The following THSD4 variants were observed in gnomAD, a reference collection of about 807,000 sequenced individuals.
The protein encoded by THSD4 is thrombospondin type-1 domain-containing protein 4.
Under a neutral mutation model 119.0 loss-of-function variants are expected in THSD4, and 69 were observed. That is an observed-to-expected ratio of 0.58 (90% CI 0.48 to 0.71). The LOEUF (loss-of-function observed/expected upper bound fraction) is 0.71, where lower values mean the gene tolerates loss of function less well. Among genes scored for constraint, THSD4 ranks in the 30% least tolerant of loss-of-function variants. The probability of loss-of-function intolerance (pLI) is 0.00; values close to 1 mark genes in which losing one functional copy is unlikely to be tolerated. For missense variants in THSD4, 1,393 were observed against 1,391.1 expected, an observed-to-expected ratio of 1.00 and a Z score of -0.02; for synonymous variants, 524 against 540.4, an observed-to-expected ratio of 0.97 and a Z score of 0.42.
Position 71,215,378 on chromosome 15 carries a change from T to A in THSD4, c.443T>A (p.Leu148His). 1 of 1,531,384 alleles carries A rather than the reference T, an allele frequency of 6.5e-7. No homozygotes were observed. The highest frequency in any genetic ancestry group is 8.7e-7 in the Non-Finnish European group (1 of 1,144,852). The allele number at this position is 1,531,384 out of a possible 1,614,324, so 94.9% of individuals were successfully genotyped here. ...RGSRHPQPQG[L>H]EVTGDRRSRT... Reference sequence around the variant, plus strand: ...AGCCGGCACCCACAGCCCCAGGGCCTCGAAGTCACTGGGGACAGAAGGTAC... The same window carrying A: ...AGCCGGCACCCACAGCCCCAGGGCCACGAAGTCACTGGGGACAGAAGGTAC... The change falls in exon 4 of 18, where the codon CTC becomes CAC. Residue 148 changes from leucine to histidine, a missense_variant. Coordinates refer to ENST00000261862, the MANE Select transcript of THSD4 (RefSeq NM_024817.3).
intron 1 of THSD4, among the ~76,000 whole-genome samples, chr15:71,139,791 C>A (rs2040585836): frequency 6.6e-6 from 1 of 152,180 alleles, no homozygotes; most frequent in Admixed American, 6.5e-5. Flanking sequence ...CTGGAAGAAA[C>A]AAGAAAATAA....
chr15:71,512,363 A>C (rs1362867490), intron 7 of THSD4, among the ~76,000 whole-genome samples: 4 of 152,204 alleles, frequency 2.6e-5, no homozygotes, highest in Admixed American at 6.5e-5. Flanking sequence ...AGATTTATGC[A>C]TTGCTGCATT....
chr15:71,346,759 A>T (rs2045666427), intron 6 of THSD4, among the ~76,000 whole-genome samples: 1 of 152,162 alleles, frequency 6.6e-6, no homozygotes, highest in Non-Finnish European at 1.5e-5. Flanking sequence ...TTATGTATGT[A>T]AGCACATATT....
intron 6 of THSD4, among the ~76,000 whole-genome samples, chr15:71,295,207 G>T (rs946252048): frequency 6.6e-6 from 1 of 152,128 alleles, no homozygotes; most frequent in African/African-American, 2.4e-5. Context: ...ATCCTGGGAG[G>T]GTGATATGAT....
chr15:71,601,203 T>C (rs2050004002), intron 7 of THSD4, among the ~76,000 whole-genome samples: 1 of 152,224 alleles, frequency 6.6e-6, no homozygotes, highest in Non-Finnish European at 1.5e-5. Context: ...CCATTACCAT[T>C]CTGTTCTACT....
chr15:71,127,118 A>C lies in THSD4; in HGVS notation c.-80+11420A>C, dbSNP rs2040462646. ...CTCCAGCCTCTGTAGCTACCATTCT[A>C]CTCTTTGCTTCTGTGAGTTTGATGT... On this transcript the variant is annotated intron_variant, in intron 1 of 17. Coordinates refer to ENST00000261862, the MANE Select transcript of THSD4 (RefSeq NM_024817.3). Among the ~76,000 whole-genome samples the C allele has an allele frequency of 2.0e-5, 3 of 151,784 alleles. 1 individual carries two copies. The South Asian group carries it at 6.3e-4, about 32-fold the overall frequency.
chr15:71,207,623 G>A (rs1338057721), intron 3 of THSD4, among the ~76,000 whole-genome samples: 3 of 152,232 alleles, frequency 2.0e-5, no homozygotes, highest in East Asian at 1.9e-4. Flanking sequence ...GGAGGTGAGC[G>A]GCGGGTCAGC....
intron 4 of THSD4, among the ~76,000 whole-genome samples, chr15:71,234,401 T>C (rs2044086074): frequency 6.6e-6 from 1 of 152,242 alleles, no homozygotes; most frequent in East Asian, 1.9e-4. Flanking sequence ...CACCTCCCGG[T>C]TCAAGCAATT....
At chr15:71,667,841 C>A (rs913123713) in intron 8 of THSD4, among the ~76,000 whole-genome samples, 13 of 152,286 alleles carry the variant, frequency 8.5e-5, no homozygotes, top group Middle Eastern at 3.4e-3. Flanking sequence ...CCACTGCCTT[C>A]AAGTGTAAAG....
At chr15:71,161,886 A>T (rs924578607) in intron 3 of THSD4, among the ~76,000 whole-genome samples, 3 of 151,172 alleles carry the variant, frequency 2.0e-5, no homozygotes, top group Admixed American at 6.6e-5. Flanking sequence ...TTCTTTTCTC[A>T]TGTTTATTTG....
chr15:71,771,960 T>C (rs2053830707), intron 17 of THSD4, among the ~76,000 whole-genome samples: 1 of 152,084 alleles, frequency 6.6e-6, no homozygotes, highest in African/African-American at 2.4e-5. Context: ...ATTGGGCAGA[T>C]AGGAAGTGTG....
chr15:71,609,849 C>A (rs796369809), intron 7 of THSD4, among the ~76,000 whole-genome samples: 4 of 49,918 alleles, frequency 8.0e-5, no homozygotes, highest in African/African-American at 2.7e-4. Context: ...AAGACTCCGT[C>A]TCAAAAAAAA....
chr15:71,537,380 A>G (rs926302676), intron 7 of THSD4, among the ~76,000 whole-genome samples: 4 of 152,066 alleles, frequency 2.6e-5, no homozygotes, highest in Non-Finnish European at 4.4e-5. Flanking sequence ...TCTCTGCAAC[A>G]TGGCCCCTCC....
chr15:71,588,293 G>A (rs370265957), intron 7 of THSD4, among the ~76,000 whole-genome samples: 4,816 of 119,036 alleles, frequency 0.04, 256 homozygotes, highest in African/African-American at 0.13. Context: ...GCGACAGAGC[G>A]AGACTCCGTC....
chr15:71,588,963 G>A (rs1054988817), intron 7 of THSD4, among the ~76,000 whole-genome samples: 6 of 152,146 alleles, frequency 3.9e-5, no homozygotes, highest in African/African-American at 7.2e-5. Context: ...CAGGGAGGTG[G>A]GTGAGTCATG....
intron 2 of THSD4, among the ~76,000 whole-genome samples, chr15:71,145,558 A>G (rs1474369306): frequency 7.4e-6 from 1 of 134,478 alleles, no homozygotes; most frequent in Non-Finnish European, 1.8e-5. Context: ...AATACAACCA[A>G]AAGGGTTGAG....
chr15:71,277,326 A>G (rs1042115940), intron 6 of THSD4, among the ~76,000 whole-genome samples: 1 of 151,998 alleles, frequency 6.6e-6, no homozygotes, highest in Admixed American at 6.5e-5. Flanking sequence ...GGGTTTTACC[A>G]TGTCGGCTAG....
intron 15 of THSD4, among the ~76,000 whole-genome samples, chr15:71,761,294 C>T (rs1488371965): frequency 1.3e-5 from 2 of 151,944 alleles, no homozygotes; most frequent in Admixed American, 6.6e-5. Flanking sequence ...TTTATGTCTC[C>T]ATTAGTGTCA....
At chr15:71,119,982 C>T (rs970787502) in intron 1 of THSD4, among the ~76,000 whole-genome samples, 2 of 152,202 alleles carry the variant, frequency 1.3e-5, no homozygotes, top group Admixed American at 6.5e-5. Context: ...ACATAGCAGG[C>T]GCTCAGTGTT....
Sources: gnomAD v4.1 joint callset for allele counts (sites outside exome capture counted in the v4.1 genomes callset) on GRCh38, gnomAD v4.1.1 for gene constraint, MANE v1.5 for transcripts, NCBI Gene and HGNC (gene_info 2026-07-23, HGNC 2026-07-21) for gene names.